PVT1: variants seen among roughly 807,000 people sequenced by gnomAD.
PVT1 encodes CXCR4/PVT1 fusion.
chr8:127,971,004 T>A (rs1816759108), intron 3 of PVT1, among the ~76,000 whole-genome samples: 1 of 152,222 alleles, frequency 6.6e-6, no homozygotes, highest in Admixed American at 6.5e-5. Flanking sequence ...TTCTATGTGC[T>A]ATCAGTGCTG....
At chr8:127,817,174 C>A (rs1397355723) in intron 2 of PVT1, among the ~76,000 whole-genome samples, 1 of 151,808 alleles carries the variant, frequency 6.6e-6, no homozygotes, top group East Asian at 1.9e-4. Flanking sequence ...CCAAGTAGTT[C>A]ACCTTCAGCA....
In PVT1 at chr8:127,931,663, C is replaced by T. The variant is rs539636297; in HGVS notation, n.782+40665C>T. 5.3e-5 allele frequency among the ~76,000 whole-genome samples: 8 copies of T among 152,332 alleles called. No individual in the cohort carries two copies. The South Asian group carries it at 1.2e-3, about 24-fold the overall frequency. ...GGTGCTGGCAGCCTGGCCTCAGAGT[C>T]GGTGCTAACCACTGAGCGGCACTGC... On this transcript the variant is annotated intron_variant and non_coding_transcript_variant, in intron 3 of 10. Coordinates refer to ENST00000651587, the Ensembl canonical transcript of PVT1.
At chr8:128,024,447 A>G (rs1817470744) in intron 4 of PVT1, among the ~76,000 whole-genome samples, 1 of 149,126 alleles carries the variant, frequency 6.7e-6, no homozygotes, top group South Asian at 2.1e-4. Context: ...ACATGGTGAG[A>G]CCCTGTTTCT....
intron 5 of PVT1, among the ~76,000 whole-genome samples, chr8:128,089,855 C>T (rs971747763): frequency 1.3e-5 from 2 of 152,192 alleles, no homozygotes; most frequent in Non-Finnish European, 2.9e-5. Context: ...AGAATGATTT[C>T]ATGAAGAGTA....
chr8:128,056,164 A>G lies in PVT1; in HGVS notation n.913-13996A>G, dbSNP rs114834873. On this transcript the variant is annotated intron_variant and non_coding_transcript_variant, in intron 4 of 10. Transcript: ENST00000651587. ...ATCCTGCCTCTGCCACTGACTAGCT[A>G]TGGGACCTTAGGTGAGTTTCTTATT... Among the ~76,000 whole-genome samples, 884 of 152,292 alleles carry G rather than the reference A, an allele frequency of 5.8e-3. 12 individuals carry two copies. The highest frequency in any genetic ancestry group is 0.021 in the African/African-American group (855 of 41,562).
At chr8:128,086,750 C>G (rs1340688571) in intron 5 of PVT1, among the ~76,000 whole-genome samples, 1 of 152,216 alleles carries the variant, frequency 6.6e-6, no homozygotes, top group Non-Finnish European at 1.5e-5. Context: ...AGACCCAGCT[C>G]AAATGGAACA....
At chr8:127,929,631 G>A (rs1816178132) in intron 3 of PVT1, among the ~76,000 whole-genome samples, 1 of 152,166 alleles carries the variant, frequency 6.6e-6, no homozygotes, top group Non-Finnish European at 1.5e-5. Flanking sequence ...AGCCGGGCAT[G>A]GTGGCGGGCG....
intron 3 of PVT1, among the ~76,000 whole-genome samples, chr8:127,964,294 T>C (rs937667480): frequency 1.5e-4 from 23 of 152,232 alleles, no homozygotes; most frequent in African/African-American, 5.5e-4. Context: ...ATTAGCTCAC[T>C]GGTTCAGAAA....
At chr8:127,881,242 G>A (rs536535673) in intron 2 of PVT1, among the ~76,000 whole-genome samples, 2 of 152,022 alleles carry the variant, frequency 1.3e-5, no homozygotes, top group East Asian at 1.9e-4. Context: ...TAATAGCAGC[G>A]CTGTGCTGTT....
chr8:127,857,402 G>A (rs1011884253), intron 2 of PVT1, among the ~76,000 whole-genome samples: 3 of 152,102 alleles, frequency 2.0e-5, no homozygotes, highest in African/African-American at 7.2e-5. Flanking sequence ...CTGGGGCATG[G>A]TGGCTCCTGC....
intron 5 of PVT1, among the ~76,000 whole-genome samples, chr8:128,083,375 G>A (rs1814214352): frequency 6.6e-6 from 1 of 152,206 alleles, no homozygotes; most frequent in Non-Finnish European, 1.5e-5. Flanking sequence ...CCATCATTGG[G>A]CCACTTGTGG....
At chr8:127,860,329 G>T (rs1418966414) in intron 2 of PVT1, among the ~76,000 whole-genome samples, 1 of 152,218 alleles carries the variant, frequency 6.6e-6, no homozygotes, top group African/African-American at 2.4e-5. Flanking sequence ...CTTCTCGAAG[G>T]CATCTTCAGA....
intron 2 of PVT1, among the ~76,000 whole-genome samples, chr8:127,859,170 C>CT (rs981569407): frequency 1.5e-4 from 23 of 152,170 alleles, no homozygotes; most frequent in African/African-American, 5.5e-4. Context: ...TCCTCACAAC[C>CT]TTCTTATGCT....
At chr8:127,851,879 A>G (rs1027320843) in intron 2 of PVT1, 1 of 152,422 alleles carries the variant, frequency 6.6e-6, no homozygotes, top group East Asian at 1.9e-4. Flanking sequence ...AACCTGTCAC[A>G]TTCTCTAGAC....
intron 4 of PVT1, among the ~76,000 whole-genome samples, chr8:127,989,991 T>C (rs1411344128): frequency 6.6e-6 from 1 of 152,342 alleles, no homozygotes; most frequent in East Asian, 1.9e-4. Context: ...TGCCTTGCAC[T>C]GAGGAAGAAA....
intron 4 of PVT1, among the ~76,000 whole-genome samples, chr8:128,025,477 G>C (rs1817482565): frequency 6.6e-6 from 1 of 152,096 alleles, no homozygotes; most frequent in South Asian, 2.1e-4. Context: ...TCAGCCCTCA[G>C]GGGAGAGAGT....
chr8:127,938,137 T>A (rs1033793423), intron 3 of PVT1, among the ~76,000 whole-genome samples: 1 of 152,166 alleles, frequency 6.6e-6, no homozygotes, highest in African/African-American at 2.4e-5. Flanking sequence ...TACTGTTTTT[T>A]CCTAGGGCTG....
chr8:127,819,732 A>C (rs1320914467), intron 2 of PVT1, among the ~76,000 whole-genome samples: 1 of 152,218 alleles, frequency 6.6e-6, no homozygotes, highest in Admixed American at 6.5e-5. Context: ...CCTGTGCCAG[A>C]GTTCCTGGGG....
chr8:127,927,313 C>T (rs1816142428), intron 3 of PVT1, among the ~76,000 whole-genome samples: 1 of 152,232 alleles, frequency 6.6e-6, no homozygotes, highest in African/African-American at 2.4e-5. Flanking sequence ...CCTGGGCTCC[C>T]TCACCACGCA....
Sources: allele counts gnomAD v4.1 joint callset (sites outside exome capture counted in the v4.1 genomes callset), GRCh38; gene constraint gnomAD v4.1.1; transcripts MANE v1.5; gene names NCBI Gene and HGNC (gene_info 2026-07-23, HGNC 2026-07-21).